The following FERRY3 variants were observed in gnomAD, a reference collection of about 807,000 sequenced individuals.
FERRY3 encodes FERRY endosomal RAB5 effector complex subunit 3.
At chr12:4,516,406 C>T in the FERRY3 span, among the ~76,000 whole-genome samples, 1 of 152,172 alleles carries the variant, frequency 6.6e-6, no homozygotes, top group African/African-American at 2.4e-5. Context: ...TATAAAGATA[C>T]ATGCACACGC....
the FERRY3 span, among the ~76,000 whole-genome samples, chr12:4,509,591 CT>C: frequency 4.1e-5 from 6 of 147,062 alleles, 1 homozygote; most frequent in Non-Finnish European, 8.9e-5. Flanking sequence ...TCCCTGACCC[CT>C]GACCCCCGAG....
At chr12:4,517,118 G>A in the FERRY3 span, 1 of 1,597,600 alleles carries the variant, frequency 6.3e-7, no homozygotes, top group Non-Finnish European at 8.5e-7. Flanking sequence ...ACCACCTGTT[G>A]GACAACTTCT....
At chr12:4,497,110 C>G in the FERRY3 span, among the ~76,000 whole-genome samples, 1 of 152,098 alleles carries the variant, frequency 6.6e-6, no homozygotes, top group Admixed American at 6.5e-5. Flanking sequence ...CTACTCATAA[C>G]AATAAAAATC....
chr12:4,530,030 C>T, the FERRY3 span: 3 of 1,612,492 alleles, frequency 1.9e-6, no homozygotes, highest in African/African-American at 1.3e-5. Flanking sequence ...GTTCTTCAGG[C>T]CTTGCATGCT....
chr12:4,530,517 A>G, the FERRY3 span, among the ~76,000 whole-genome samples: 1 of 152,178 alleles, frequency 6.6e-6, no homozygotes, highest in Non-Finnish European at 1.5e-5. Context: ...TTTCATTATT[A>G]AAAAAATACT....
At chr12:4,491,078 T>TC in the FERRY3 span, 1 of 1,045,846 alleles carries the variant, frequency 9.6e-7, no homozygotes, top group South Asian at 1.3e-5. Flanking sequence ...GGCACTAGAT[T>TC]ACAGGGGTAT....
the FERRY3 span, among the ~76,000 whole-genome samples, chr12:4,524,760 A>G: frequency 3.9e-5 from 6 of 152,164 alleles, no homozygotes; most frequent in African/African-American, 1.4e-4. Flanking sequence ...AGGCCAAGAG[A>G]TGCCATACAA....
the FERRY3 span, chr12:4,517,243 G>C: frequency 7.0e-7 from 1 of 1,418,728 alleles, no homozygotes; most frequent in Non-Finnish European, 9.3e-7. Context: ...CAAATATTTA[G>C]TATTTACTTA....
chr12:4,494,122 C>T, the FERRY3 span, among the ~76,000 whole-genome samples: 18 of 151,846 alleles, frequency 1.2e-4, no homozygotes, highest in Admixed American at 2.6e-4. Flanking sequence ...AAATGTCTAC[C>T]GCTACGGAGC....
At chr12:4,538,220 A>C in the FERRY3 span, among the ~76,000 whole-genome samples, 1 of 152,238 alleles carries the variant, frequency 6.6e-6, no homozygotes, top group Admixed American at 6.5e-5. Context: ...AAGGTTTCCC[A>C]TAAGAAAATG....
At chr12:4,510,642 A>G in the FERRY3 span, among the ~76,000 whole-genome samples, 5 of 151,424 alleles carry the variant, frequency 3.3e-5, no homozygotes, top group Non-Finnish European at 5.9e-5. Context: ...ATCCAGCCAA[A>G]CTAAGCTTCG....
chr12:4,531,062 AAAAC>A, the FERRY3 span, among the ~76,000 whole-genome samples: 8 of 152,332 alleles, frequency 5.3e-5, no homozygotes, highest in South Asian at 2.1e-4. Context: ...AATTTACCTT[AAAAC>A]AAACAAACAC....
chr12:4,490,494 T>C, the FERRY3 span: 3 of 1,521,796 alleles, frequency 2.0e-6, no homozygotes, highest in Middle Eastern at 5.1e-4. Context: ...GAGATTAAAT[T>C]GGGGTGAGAT....
chr12:4,500,280 C>T, the FERRY3 span: 1 of 1,614,032 alleles, frequency 6.2e-7, no homozygotes, highest in Non-Finnish European at 8.5e-7. Context: ...GTCATCCACA[C>T]AGAGATGGAA....
the FERRY3 span, among the ~76,000 whole-genome samples, chr12:4,490,167 T>A: frequency 2.6e-5 from 4 of 152,120 alleles, no homozygotes; most frequent in Admixed American, 6.5e-5. Flanking sequence ...TAATCAGTAA[T>A]AAAAAACCAC....
At chr12:4,528,896 T>TACCCACACAC in the FERRY3 span, among the ~76,000 whole-genome samples, 1 of 131,564 alleles carries the variant, frequency 7.6e-6, no homozygotes, top group African/African-American at 3.4e-5. Flanking sequence ...TTAAATCAGT[T>TACCCACACAC]ACACACACAC....
At chr12:4,489,806 T>C in the FERRY3 span, 2 of 1,589,106 alleles carry the variant, frequency 1.3e-6, no homozygotes, top group Non-Finnish European at 1.7e-6. Context: ...TCTATAAGGG[T>C]TTAGTGCTTG....
chr12:4,518,227 C>G, the FERRY3 span: 4 of 1,613,942 alleles, frequency 2.5e-6, no homozygotes, highest in African/African-American at 5.3e-5. Flanking sequence ...TCAGCAATCT[C>G]AAATTATGCA....
At chr12:4,520,917 G>C in the FERRY3 span, among the ~76,000 whole-genome samples, 1 of 152,106 alleles carries the variant, frequency 6.6e-6, no homozygotes, top group African/African-American at 2.4e-5. Flanking sequence ...CTAACGCAAA[G>C]GGGAAAAAAA....
Sources: allele counts gnomAD v4.1 joint callset (sites outside exome capture counted in the v4.1 genomes callset), GRCh38; gene constraint gnomAD v4.1.1; transcripts MANE v1.5; gene names NCBI Gene and HGNC (gene_info 2026-07-23, HGNC 2026-07-21).